ZFHX4: variants seen among roughly 807,000 people sequenced by gnomAD.
The protein encoded by ZFHX4 is zinc finger homeobox 4.
In ZFHX4, 56 loss-of-function variants were observed where a neutral mutation model predicts 267.6. The observed-to-expected ratio is 0.21, with a 90% confidence interval of 0.17 to 0.26. The LOEUF (loss-of-function observed/expected upper bound fraction) is 0.26, where lower values mean the gene tolerates loss of function less well. Among genes scored for constraint, ZFHX4 ranks in the 10% least tolerant of loss-of-function variants. The pLI is 1.00. For synonymous variants in ZFHX4, 1,778 were observed against 1,665.6 expected (o/e 1.07, Z -1.64); for missense variants, 4,332 against 4,420.0 (o/e 0.98, Z 0.56).
chr8:76,858,077 T>A (rs1422756187), intron 10 of ZFHX4, among the ~76,000 whole-genome samples: 5 of 152,188 alleles, frequency 3.3e-5, no homozygotes, highest in African/African-American at 1.2e-4. Context: ...TAAGTGGTGG[T>A]CAAAGCATCT....
intron 4 of ZFHX4, among the ~76,000 whole-genome samples, chr8:76,805,831 A>C (rs1811230776): frequency 6.6e-6 from 1 of 152,036 alleles, no homozygotes. Context: ...CCTTTCTGAA[A>C]TTACGGTGTA....
At chr8:76,768,778 A>G (rs1284346914) in intron 3 of ZFHX4, among the ~76,000 whole-genome samples, 2 of 152,210 alleles carry the variant, frequency 1.3e-5, no homozygotes, top group Admixed American at 6.6e-5. Flanking sequence ...ATCTTAATTT[A>G]TGAGTGATCT....
intron 3 of ZFHX4, among the ~76,000 whole-genome samples, chr8:76,728,753 G>A (rs1808921763): frequency 6.6e-6 from 1 of 152,120 alleles, no homozygotes; most frequent in South Asian, 2.1e-4. Flanking sequence ...GTCTGGGAGA[G>A]CACCCCCCCA....
intron 3 of ZFHX4, among the ~76,000 whole-genome samples, chr8:76,752,894 A>G (rs1158891315): frequency 6.6e-6 from 1 of 152,214 alleles, no homozygotes; most frequent in African/African-American, 2.4e-5. Flanking sequence ...CGTGAATTGT[A>G]CAATTCCTAA....
At position 76,718,001 on chromosome 8, in the gene ZFHX4, T is replaced by C. The variant is rs374997639; in HGVS notation, c.3093+9953T>C. Reference sequence around the variant, plus strand: ...TGAGAATAACACTAGCATATGTCCTTAGGGTCTAAAATCATTCATTGTTCA... The same window carrying C: ...TGAGAATAACACTAGCATATGTCCTCAGGGTCTAAAATCATTCATTGTTCA... On this transcript the variant is annotated intron_variant, in intron 3 of 10. Coordinates refer to ENST00000651372, the MANE Select transcript of ZFHX4 (RefSeq NM_024721.5). Among the ~76,000 whole-genome samples, 3 of 152,340 alleles carry C rather than the reference T, an allele frequency of 2.0e-5. No homozygotes were observed. In the South Asian group the frequency reaches 6.2e-4, roughly 32 times the overall value.
At chr8:76,772,837 C>T (rs1295256000) in intron 3 of ZFHX4, among the ~76,000 whole-genome samples, 2 of 152,096 alleles carry the variant, frequency 1.3e-5, no homozygotes, top group African/African-American at 4.8e-5. Flanking sequence ...AGATGATATA[C>T]TTGCTATTCC....
chr8:76,852,438 T>C lies in ZFHX4; in HGVS notation c.5517T>C (p.Ser1839=), dbSNP rs1251095953. 1.3e-6 allele frequency: 2 copies of C among 1,561,694 alleles called. No individual in the cohort carries two copies. The highest frequency in any genetic ancestry group is 1.9e-5 in the Admixed American group (1 of 51,682). The change falls in exon 10 of 11, where the codon AGT becomes AGC. Residue 1839 remains serine, a synonymous_variant. Transcript: ENST00000651372. Reference sequence around the variant, plus strand: ...GCAAATTATTGAAACAAGAGCAAAGTAACATAGTGAGTGCAGACTGCCAAA... The same window carrying C: ...GCAAATTATTGAAACAAGAGCAAAGCAACATAGTGAGTGCAGACTGCCAAA... ...QASKLLKQEQ[S]NIVSADCQIM... is the part of the protein sequence containing the mutation.
chr8:76,729,296 G>T (rs2131657618), intron 3 of ZFHX4, among the ~76,000 whole-genome samples: 1 of 152,222 alleles, frequency 6.6e-6, no homozygotes, highest in South Asian at 2.1e-4. Flanking sequence ...TTGTTTGTAA[G>T]AACTTAAATA....
chr8:76,724,777 T>C (rs1359973926), intron 3 of ZFHX4, among the ~76,000 whole-genome samples: 1 of 152,088 alleles, frequency 6.6e-6, no homozygotes, highest in Non-Finnish European at 1.5e-5. Context: ...AGCAGATATA[T>C]AGTCTATTTT....
In ZFHX4 at chr8:76,843,745, T is replaced by C. The variant is rs534219231; in HGVS notation, c.3511+974T>C. Among the ~76,000 whole-genome samples, 15 of 152,204 alleles carry C rather than the reference T, an allele frequency of 9.9e-5. No homozygotes were observed. The South Asian group carries it at 3.1e-3, about 32-fold the overall frequency. Reference sequence around the variant, plus strand: ...CTAGTGACAGCCACATATAAAGGAGTTTGTATTCACTATGAAGACATTGGG... The same window carrying C: ...CTAGTGACAGCCACATATAAAGGAGCTTGTATTCACTATGAAGACATTGGG... On this transcript the variant is annotated intron_variant, in intron 6 of 10. Coordinates refer to ENST00000651372, the MANE Select transcript of ZFHX4 (RefSeq NM_024721.5).
Position 76,864,648 on chromosome 8 carries a change from C to T in ZFHX4, c.*83C>T. On this transcript the variant is annotated 3_prime_UTR_variant, in exon 11 of 11. Transcript: ENST00000651372. ...TAAGACTTTAACTGCAGTTCCAAAGCTTCTCTAACCCAAAAATTACAGTAC... is the reference window on the plus strand; with the variant it reads ...TAAGACTTTAACTGCAGTTCCAAAGTTTCTCTAACCCAAAAATTACAGTAC... 9.9e-7 allele frequency: 1 copy of T among 1,012,774 alleles called. No individual in the cohort carries two copies. The highest frequency in any genetic ancestry group is 2.2e-5 in the South Asian group (1 of 45,886). The allele number at this position is 1,012,774 out of a possible 1,614,324, so 62.7% of individuals were successfully genotyped here.
intron 3 of ZFHX4, among the ~76,000 whole-genome samples, chr8:76,745,666 G>A (rs950177666): frequency 1.3e-5 from 2 of 151,984 alleles, no homozygotes; most frequent in African/African-American, 4.8e-5. Flanking sequence ...CAGAGTCAAT[G>A]TTAGAGACAA....
chr8:76,732,989 A>T (rs946618796), intron 3 of ZFHX4, among the ~76,000 whole-genome samples: 2 of 152,158 alleles, frequency 1.3e-5, no homozygotes, highest in Non-Finnish European at 2.9e-5. Context: ...AGCAGAGACT[A>T]TTTAGACAGA....
intron 4 of ZFHX4, among the ~76,000 whole-genome samples, chr8:76,779,342 T>G (rs2131775549): frequency 6.6e-6 from 1 of 152,298 alleles, no homozygotes; most frequent in South Asian, 2.1e-4. Flanking sequence ...TACACCTTTA[T>G]AAATATACCA....
chr8:76,797,896 G>GTC (rs1444153183), intron 4 of ZFHX4, among the ~76,000 whole-genome samples: 1 of 151,356 alleles, frequency 6.6e-6, no homozygotes, highest in African/African-American at 2.4e-5. Context: ...ATGTGTGTGT[G>GTC]TGTGTGTGTG....
rs1417994054 is a variant in ZFHX4, at chr8:76,800,304, C to T, written c.3325+21865C>T. Reference sequence around the variant, plus strand: ...AGAAAACAGACAATTTATGTCCACCCTGAAGAGTTACCAGCTAGTGAGCCA... The same window carrying T: ...AGAAAACAGACAATTTATGTCCACCTTGAAGAGTTACCAGCTAGTGAGCCA... On this transcript the variant is annotated intron_variant, in intron 4 of 10. Coordinates refer to ENST00000651372, the MANE Select transcript of ZFHX4 (RefSeq NM_024721.5). Among the ~76,000 whole-genome samples, 3 of 152,130 alleles carry T rather than the reference C, an allele frequency of 2.0e-5. No homozygotes were observed. In the East Asian group the frequency reaches 5.8e-4, roughly 29 times the overall value.
intron 3 of ZFHX4, among the ~76,000 whole-genome samples, chr8:76,747,107 AT>A (rs1809478414): frequency 6.6e-6 from 1 of 152,194 alleles, no homozygotes; most frequent in Non-Finnish European, 1.5e-5. Flanking sequence ...AAGGAAAAAA[AT>A]GACTATATTT....
intron 4 of ZFHX4, 29 bp downstream of exon 4, chr8:76,778,468 G>C: frequency 1.9e-6 from 3 of 1,569,866 alleles, no homozygotes; most frequent in Non-Finnish European, 2.6e-6. Context: ...GGCTGTCTCT[G>C]AGCCTCCCTC....
At position 76,852,851 on chromosome 8, in the gene ZFHX4, C is replaced by T. The variant is rs533318616; in HGVS notation, c.5930C>T (p.Ala1977Val). 33 of 1,613,740 alleles carry T rather than the reference C, an allele frequency of 2.0e-5. No individual in the cohort carries two copies. Among genetic ancestry groups the T allele is most frequent in the Middle Eastern group, 1.6e-4 (1 of 6,062 alleles). The change falls in exon 10 of 11, where the codon GCG (alanine) becomes GTG (valine). Residue 1977 changes from alanine (A) to valine (V), a missense_variant. By Grantham distance (64) the Ala-to-Val change is moderately conservative (BLOSUM62 0). Transcript: ENST00000651372. ...HVHGQFFPYA[A>V]LEKFARQYRE... ...CATGGGCAATTTTTTCCATATGCAGCGCTAGAAAAATTTGCTCGTCAATAC... is the reference window on the plus strand; with the variant it reads ...CATGGGCAATTTTTTCCATATGCAGTGCTAGAAAAATTTGCTCGTCAATAC...
Sources: allele counts gnomAD v4.1 joint callset (sites outside exome capture counted in the v4.1 genomes callset), GRCh38; gene constraint gnomAD v4.1.1; transcripts MANE v1.5; gene names NCBI Gene and HGNC (gene_info 2026-07-23, HGNC 2026-07-21).